Variants in PRDM2 observed in about 807,000 individuals in gnomAD.
The protein encoded by PRDM2 is PR/SET domain 2, also known as PR domain zinc finger protein 2.
A neutral mutation model predicts 130.0 loss-of-function variants in PRDM2; 30 were observed. The ratio of observed to expected loss-of-function variants is 0.23; its 90% confidence interval spans 0.17 to 0.31. The LOEUF is 0.31. Ranked by LOEUF, PRDM2 falls within the 10% of genes least tolerant of loss-of-function variation. The pLI, the probability that PRDM2 is intolerant of heterozygous loss-of-function variation, is 1.00. For synonymous variants in PRDM2, 871 were observed against 782.4 expected, an observed-to-expected ratio of 1.11 and a Z score of -1.89; for missense variants, 2,011 against 2,108.4, an observed-to-expected ratio of 0.95 and a Z score of 0.90.
At chr1:13,762,815 C>T (rs1278216107) in intron 6 of PRDM2, among the ~76,000 whole-genome samples, 1 of 152,174 alleles carries the variant, frequency 6.6e-6, no homozygotes, top group Non-Finnish European at 1.5e-5. Context: ...TGGAACTTTA[C>T]ATCCTCCCCT....
chr1:13,786,661 A>G (rs534478826), intron 8 of PRDM2: 41 of 1,535,246 alleles, frequency 2.7e-5, no homozygotes, highest in Middle Eastern at 3.5e-4. Context: ...AAAAATCCTA[A>G]CATTCAGCTG....
chr1:13,715,448 C>T, intron 1 of PRDM2, 93 bp from the exon 2 acceptor site: 2 of 475,826 alleles, frequency 4.2e-6, no homozygotes, highest in Non-Finnish European at 7.4e-6. Flanking sequence ...TATAAATAGC[C>T]CTTTCAGCAA....
intron 2 of PRDM2, among the ~76,000 whole-genome samples, chr1:13,730,671 G>A (rs1643072372): frequency 6.6e-6 from 1 of 152,176 alleles, no homozygotes; most frequent in South Asian, 2.1e-4. Context: ...TTAGAAGTAA[G>A]CTTATGCTAT....
In PRDM2 at chr1:13,715,541, G is replaced by T; in HGVS notation, c.-65G>T. ...TACAATTGTCTGTTTTTCTTTTTAG[G>T]GTTCATGTAATCAAAGAAGTTTCTT... On this transcript the variant is annotated splice_region_variant and 5_prime_UTR_variant, in exon 2 of 10. Coordinates refer to ENST00000311066, the MANE Select transcript of PRDM2 (RefSeq NM_001393986.1). 1 of 1,419,536 alleles carries T rather than the reference G, an allele frequency of 7.0e-7. No individual in the cohort carries two copies. Among genetic ancestry groups the T allele is most frequent in the Non-Finnish European group, 9.5e-7 (1 of 1,050,536 alleles). 87.9% of individuals were successfully genotyped at this position (1,419,536 alleles called of 1,614,324 possible). A position where few individuals can be genotyped will look rare whatever the true frequency, so the allele number is the denominator to read the frequency against.
At position 13,781,195 on chromosome 1, in the gene PRDM2, T is replaced by C. The variant is rs1644606068; in HGVS notation, c.3400T>C (p.Phe1134Leu). 1 of 1,614,072 alleles carries C rather than the reference T, an allele frequency of 6.2e-7. No homozygotes were observed. Among genetic ancestry groups the C allele is most frequent in the Admixed American group, 1.7e-5 (1 of 60,004 alleles). The change falls in exon 8 of 10, where the codon TTT (phenylalanine) becomes CTT (leucine). Residue 1134 changes from phenylalanine (F) to leucine (L), a missense_variant. Phe to Leu is a conservative substitution (Grantham distance 22). This residue lies in a region of PRDM2 where 229 missense variants were observed against 364.1 expected (regional missense o/e 0.63). Coordinates refer to ENST00000311066, the MANE Select transcript of PRDM2 (RefSeq NM_001393986.1). This position sits in a 1 kb window ranked among gnomAD's most constrained non-coding sequence, Gnocchi z 6.1. ...TGTTCAGGAAACATTCAACAAAAAC[T>C]TTGTTTGCAACGTCTGTGAATCACC... ...VVVQETFNKN[F>L]VCNVCESPFL...
intron 8 of PRDM2, among the ~76,000 whole-genome samples, chr1:13,809,534 G>A (rs895814543): frequency 7.2e-5 from 11 of 152,160 alleles, no homozygotes; most frequent in African/African-American, 2.4e-4. Context: ...GTGAGGTGGG[G>A]TCATAATTTA....
At chr1:13,809,325 C>A (rs188150713) in intron 8 of PRDM2, among the ~76,000 whole-genome samples, 7 of 152,196 alleles carry the variant, frequency 4.6e-5, no homozygotes, top group African/African-American at 1.7e-4. Flanking sequence ...GTGAGGAAGG[C>A]GCCTTGCAGG....
In PRDM2 at chr1:13,747,673, G is replaced by C. The variant is rs141822702; in HGVS notation, c.385-1688G>C. Among the ~76,000 whole-genome samples the C allele has an allele frequency of 4.7e-3, 690 of 148,188 alleles. 8 individuals are homozygous for C. The highest frequency in any genetic ancestry group is 0.016 in the African/African-American group (653 of 40,352). ...AGAGTTCTGCAGAGAATTAAACGAA[G>C]TAATATTCACTTTTGGGGGCTTTAT... On this transcript the variant is annotated intron_variant, in intron 5 of 9. Transcript: ENST00000311066.
intron 1 of PRDM2, among the ~76,000 whole-genome samples, chr1:13,707,186 C>T (rs1251038665): frequency 6.6e-6 from 1 of 152,150 alleles, no homozygotes; most frequent in Non-Finnish European, 1.5e-5. Flanking sequence ...CGAGCAGCTC[C>T]TTGTAAGATG....
intron 8 of PRDM2, among the ~76,000 whole-genome samples, chr1:13,804,268 G>T (rs1030349633): frequency 6.6e-6 from 1 of 152,112 alleles, no homozygotes; most frequent in Admixed American, 6.5e-5. Context: ...TGAAGGCACC[G>T]CAGCGACTCC....
At chr1:13,815,561 G>GGAGGAACACCCCACCCAGGAGTT (rs1156347233) in intron 8 of PRDM2, among the ~76,000 whole-genome samples, 39 of 152,174 alleles carry the variant, frequency 2.6e-4, no homozygotes, top group Admixed American at 1.3e-4. Context: ...GGGGCCTGTT[G>GGAGGAACACCCCACCCAGGAGTT]GAGGAACACC....
intron 4 of PRDM2, among the ~76,000 whole-genome samples, chr1:13,740,172 G>A (rs2100501536): frequency 6.6e-6 from 1 of 152,310 alleles, no homozygotes; most frequent in Non-Finnish European, 1.5e-5. Flanking sequence ...GCAAATGGCT[G>A]TATTGACCTG....
chr1:13,749,235 G>T, intron 5 of PRDM2, 126 bp from the exon 6 acceptor site: 1 of 918,866 alleles, frequency 1.1e-6, no homozygotes. Flanking sequence ...CCGGCCGGGT[G>T]CGCGCGGCGC....
At chr1:13,800,970 T>G (rs1240350853) in intron 8 of PRDM2, among the ~76,000 whole-genome samples, 2 of 152,222 alleles carry the variant, frequency 1.3e-5, no homozygotes, top group Non-Finnish European at 2.9e-5. Context: ...CCGCTCAGGC[T>G]GCTGGTGGTG....
rs1192159997 is a variant in PRDM2 at position 13,824,361 on chromosome 1, C to T, written c.*1226C>T. The T allele has an allele frequency of 1.3e-5, 2 of 152,514 alleles. No individual in the cohort carries two copies. Among genetic ancestry groups the T allele is most frequent in the Admixed American group, 6.5e-5 (1 of 15,280 alleles). 9.4% of individuals were successfully genotyped at this position (152,514 alleles called of 1,614,324 possible). A position where few individuals can be genotyped will look rare whatever the true frequency, so the allele number is the denominator to read the frequency against. On this transcript the variant is annotated 3_prime_UTR_variant, in exon 10 of 10. Transcript: ENST00000311066. The stretch of plus-strand genomic sequence containing the variant: ...GGGATTTTTTTTTTCAGGGCTACTA[C>T]GGTTGATCTTGCAACTCTGTAAATA...
intron 6 of PRDM2, among the ~76,000 whole-genome samples, chr1:13,759,624 G>C (rs1427529176): frequency 6.6e-6 from 1 of 152,128 alleles, no homozygotes; most frequent in Admixed American, 6.5e-5. Context: ...TGGTGCTTTT[G>C]CCATGACGAT....
At chr1:13,809,061 G>A (rs1026737595) in intron 8 of PRDM2, among the ~76,000 whole-genome samples, 6 of 152,202 alleles carry the variant, frequency 3.9e-5, no homozygotes, top group African/African-American at 1.2e-4. Context: ...GTGAGGAGCC[G>A]AGGCTACAGG....
At chr1:13,757,778 C>CTTTTTTT (rs34501705) in intron 6 of PRDM2, among the ~76,000 whole-genome samples, 1 of 105,904 alleles carries the variant, frequency 9.4e-6, no homozygotes, top group Non-Finnish European at 1.9e-5. Flanking sequence ...AGGTGGATAG[C>CTTTTTTT]TTTTTTTTTT....
intron 8 of PRDM2, chr1:13,783,212 G>A (rs759625297): frequency 6.8e-5 from 35 of 514,502 alleles, no homozygotes; most frequent in South Asian, 5.0e-4. Flanking sequence ...CTTAGGTTAA[G>A]ACGGGTCACT....
Sources: allele counts gnomAD v4.1 joint callset (sites outside exome capture counted in the v4.1 genomes callset), GRCh38; gene constraint gnomAD v4.1.1; regional missense constraint gnomAD v4.1.1; non-coding constraint Gnocchi (gnomAD v3.1); transcripts MANE v1.5; gene names NCBI Gene and HGNC (gene_info 2026-07-23, HGNC 2026-07-21).